PALM: variants seen among roughly 807,000 people sequenced by gnomAD.
PALM encodes the protein paralemmin.
PALM carries 18 observed loss-of-function variants against 30.7 expected under a neutral mutation model. The observed-to-expected ratio is 0.59, with a 90% CI of 0.41 to 0.87. The LOEUF is 0.87. Ranked by LOEUF, PALM falls within the 40% of genes least tolerant of loss-of-function variation. The pLI is 0.00. For synonymous variants in PALM, 286 were observed against 242.8 expected, an observed-to-expected ratio of 1.18 and a Z score of -1.66; for missense variants, 529 against 555.4, an observed-to-expected ratio of 0.95 and a Z score of 0.48.
chr19:741,886 G>A (rs1167437436), intron 8 of PALM, among the ~76,000 whole-genome samples: 4 of 151,844 alleles, frequency 2.6e-5, no homozygotes, highest in Non-Finnish European at 2.9e-5. Flanking sequence ...TCACTCTGTC[G>A]CCCGGCCCGC....
intron 8 of PALM, among the ~76,000 whole-genome samples, chr19:743,350 C>T (rs1292796567): frequency 6.6e-6 from 1 of 151,514 alleles, no homozygotes; most frequent in African/African-American, 2.5e-5. Context: ...GGATTCCAGA[C>T]CTGCCAGGCT....
chr19:719,613 G>A, intron 1 of PALM: 2 of 986,478 alleles, frequency 2.0e-6, no homozygotes, highest in Non-Finnish European at 2.4e-6. Flanking sequence ...GCCGCCCTGA[G>A]CTTTTCCACG....
chr19:744,880 G>T (rs11085206), intron 8 of PALM, among the ~76,000 whole-genome samples: 11 of 146,738 alleles, frequency 7.5e-5, no homozygotes, highest in Middle Eastern at 7.5e-3. Flanking sequence ...GGCGACAGAG[G>T]GAGTCAAAAA....
At position 726,172 on chromosome 19, in the gene PALM, C is replaced by A. The variant is rs1193239940; in HGVS notation, c.40C>A (p.Arg14=). Reference sequence around the variant, plus strand: ...GGCAGAGACCACGTCCCAGCAGGAGCGGCTGCAGGCCATCGCAGTGAGTTT... The same window carrying A: ...GGCAGAGACCACGTCCCAGCAGGAGAGGCTGCAGGCCATCGCAGTGAGTTT... ...LAAETTSQQE[R]LQAIAEKRKR... is the part of the protein sequence containing the mutation. Residue 14 remains arginine (R), a synonymous_variant, in exon 2 of 9, where the codon CGG becomes AGG. Coordinates refer to ENST00000338448, the MANE Select transcript of PALM (RefSeq NM_002579.3). 6.2e-7 allele frequency: 1 copy of A among 1,613,052 alleles called. No individual in the cohort carries two copies. Among genetic ancestry groups the A allele is most frequent in the East Asian group, 2.2e-5 (1 of 44,870 alleles).
intron 1 of PALM, among the ~76,000 whole-genome samples, chr19:725,190 A>T (rs2032618522): frequency 6.7e-6 from 1 of 149,740 alleles, no homozygotes; most frequent in African/African-American, 2.4e-5. Context: ...CTGCCCCCTG[A>T]TATTTGTTAA....
intron 2 of PALM, 23 bp from the exon 3 acceptor site, chr19:726,985 A>AGGCCCCC: frequency 7.4e-6 from 7 of 945,356 alleles, no homozygotes; most frequent in East Asian, 3.1e-5. Context: ...CCCATCCCTG[A>AGGCCCCC]CCCCACCCGG....
Position 740,617 on chromosome 19 carries a change from G to C in PALM, c.634+134G>C, listed in dbSNP as rs1473651865. The C allele has an allele frequency of 7.0e-6, 6 of 861,742 alleles. No individual in the cohort carries two copies. The East Asian group carries it at 1.7e-4, about 24-fold the overall frequency. The allele number at this position is 861,742 out of a possible 1,614,324, so 53.4% of individuals were successfully genotyped here. ...GATGTGAAGCAGATGACGCTGTTCAGGCCAGGGCCTCACCCCCTGTGGCCC... is the reference window on the plus strand; with the variant it reads ...GATGTGAAGCAGATGACGCTGTTCACGCCAGGGCCTCACCCCCTGTGGCCC... On this transcript the variant is annotated intron_variant, in intron 8 of 8. Transcript: ENST00000338448.
intron 1 of PALM, among the ~76,000 whole-genome samples, chr19:721,354 C>G (rs2032474792): frequency 6.6e-6 from 1 of 152,132 alleles, no homozygotes; most frequent in Admixed American, 6.6e-5. Flanking sequence ...CAACCTCCAC[C>G]TCCCGGGTTC....
intron 1 of PALM, among the ~76,000 whole-genome samples, chr19:717,087 G>A (rs144982532): frequency 0.022 from 3,332 of 152,152 alleles, 124 homozygotes; most frequent in African/African-American, 0.077. Context: ...GTGCCACCAC[G>A]CCCGGCTAAT....
chr19:727,249 C>CGACCCT (rs1374990086), intron 3 of PALM, among the ~76,000 whole-genome samples, 161 bp downstream of exon 3: 1 of 34,314 alleles, frequency 2.9e-5, no homozygotes, highest in Non-Finnish European at 6.3e-5. Flanking sequence ...ACCCCGACCC[C>CGACCCT]GACCCTGACC....
rs1389934698 is a variant in PALM at position 746,528 on chromosome 19, G to T, written c.878G>T (p.Gly293Val). The T allele has an allele frequency of 6.2e-7, 1 of 1,612,964 alleles. No individual in the cohort carries two copies. The highest frequency in any genetic ancestry group is 1.3e-5 in the African/African-American group (1 of 74,916). Reference protein sequence around the residue: ...ATSGPPGIQPGQEPPVTMIFM... With the variant: ...ATSGPPGIQPVQEPPVTMIFM... ...TCCGGCCCGCCGGGGATCCAGCCCG[G>T]CCAGGAGCCCCCGGTCACAATGATC... The change falls in exon 9 of 9, where the codon GGC becomes GTC. Residue 293 changes from glycine to valine, a missense_variant. Physicochemically the swap from Gly to Val is moderately radical, Grantham distance 109. Transcript: ENST00000338448. The surrounding 1 kb of genome is among the most constrained non-coding windows in gnomAD (Gnocchi z 7.1).
chr19:736,036 A>G lies in PALM; in HGVS notation c.460A>G (p.Thr154Ala). The G allele has an allele frequency of 6.2e-7, 1 of 1,609,158 alleles. No individual in the cohort carries two copies. Among genetic ancestry groups the G allele is most frequent in the Non-Finnish European group, 8.5e-7 (1 of 1,177,574 alleles). The change falls in exon 7 of 9, where the codon ACG (threonine) becomes GCG (alanine). Residue 154 changes from threonine to alanine, a missense_variant. By Grantham distance (58) the Thr-to-Ala change is moderately conservative (BLOSUM62 0). Transcript: ENST00000338448. ...CCGTGCAGACAAGCGAGTCTCCAACACGCCCCTGAGGACGGTTGACGGCTC... is the reference window on the plus strand; with the variant it reads ...CCGTGCAGACAAGCGAGTCTCCAACGCGCCCCTGAGGACGGTTGACGGCTC... Reference protein sequence around the residue: ...GTPKDKRVSNTPLRTVDGSPM... With the variant: ...GTPKDKRVSNAPLRTVDGSPM...
chr19:727,237 C>CGACCCCGACCCT lies in PALM; in HGVS notation c.138+160_138+161insTGACCCCGACCC, dbSNP rs1555689012. 2.9e-3 allele frequency: 1,504 copies of CGACCCCGACCCT among 520,228 alleles called. 28 individuals are homozygous for CGACCCCGACCCT. Among genetic ancestry groups the CGACCCCGACCCT allele is most frequent in the African/African-American group, 0.028 (982 of 35,390 alleles). 32.2% of individuals were successfully genotyped at this position (520,228 alleles called of 1,614,324 possible). Reference sequence around the variant, plus strand: ...CTGACCCTGACCCCGACCCTGACCCCGACCCCGACCCCGACCCTGACCCCA... The same window carrying CGACCCCGACCCT: ...CTGACCCTGACCCCGACCCTGACCCCGACCCCGACCCTGACCCCGACCCCGACCCTGACCCCA... On this transcript the variant is annotated intron_variant, in intron 3 of 8. Coordinates refer to ENST00000338448, the MANE Select transcript of PALM (RefSeq NM_002579.3).
chr19:726,281 A>C, intron 2 of PALM, 92 bp downstream of exon 2: 1 of 1,019,206 alleles, frequency 9.8e-7, no homozygotes, highest in Non-Finnish European at 1.5e-6. Context: ...TAGGACCTGG[A>C]ACCAGGGCAT....
intron 8 of PALM, among the ~76,000 whole-genome samples, chr19:741,486 T>TGAGGGGAGACGGGCTGCAGGGGG (rs2033191242): frequency 2.4e-5 from 1 of 41,104 alleles, no homozygotes; most frequent in African/African-American, 1.0e-4. Flanking sequence ...GCTGCAGGGG[T>TGAGGGGAGACGGGCTGCAGGGGG]GAGGGGAGCT....
intron 4 of PALM, among the ~76,000 whole-genome samples, chr19:728,096 G>A (rs898929604): frequency 2.0e-5 from 3 of 152,188 alleles, no homozygotes; most frequent in Admixed American, 6.5e-5. Flanking sequence ...GCTTCCTGGC[G>A]CCAGCCCAGC....
Position 709,178 on chromosome 19 carries a change from G to C in PALM, c.5+27G>C. ...TGAGTAGGCGCGCTCGGGCCGCGGG[G>C]CTGGGGGCCCGGAGCTCCGGGAGCC... On this transcript the variant is annotated intron_variant, in intron 1 of 8. Coordinates refer to ENST00000338448, the MANE Select transcript of PALM (RefSeq NM_002579.3). This position sits in a 1 kb window ranked among gnomAD's most constrained non-coding sequence, Gnocchi z 4.3. 1 of 319,226 alleles carries C rather than the reference G, an allele frequency of 3.1e-6. No homozygotes were observed. Among genetic ancestry groups the C allele is most frequent in the Admixed American group, 5.0e-5 (1 of 19,860 alleles). 19.8% of individuals were successfully genotyped at this position (319,226 alleles called of 1,614,324 possible).
chr19:718,902 C>T (rs975254355), intron 1 of PALM, among the ~76,000 whole-genome samples: 2 of 151,968 alleles, frequency 1.3e-5, no homozygotes, highest in African/African-American at 4.8e-5. Flanking sequence ...CCGGGGGTGC[C>T]AGCGCTCAGG....
intron 5 of PALM, among the ~76,000 whole-genome samples, chr19:733,067 C>A (rs1274489447): frequency 6.6e-6 from 1 of 152,080 alleles, no homozygotes; most frequent in African/African-American, 2.4e-5. Context: ...TCTGGGATTG[C>A]AGGCGCCCGC....
Sources: gnomAD v4.1 joint callset for allele counts (sites outside exome capture counted in the v4.1 genomes callset) on GRCh38, gnomAD v4.1.1 for gene constraint, Gnocchi (gnomAD v3.1) non-coding constraint, MANE v1.5 for transcripts, NCBI Gene and HGNC (gene_info 2026-07-23, HGNC 2026-07-21) for gene names.